Variants in GDPD3 observed in about 807,000 individuals in gnomAD.
The protein encoded by GDPD3 is lysophospholipase D GDPD3.
GDPD3 carries 40 observed loss-of-function variants against 43.7 expected under a neutral mutation model. That is an observed-to-expected ratio of 0.91 (90% confidence interval 0.71 to 1.19). The LOEUF (loss-of-function observed/expected upper bound fraction) is 1.19. Among genes scored for constraint, GDPD3 ranks in the 50% most tolerant of loss-of-function variants. The probability of loss-of-function intolerance (pLI) is 0.00; values close to 1 mark genes in which losing one functional copy is unlikely to be tolerated. For missense variants in GDPD3, 363 were observed against 415.8 expected (o/e 0.87, Z 1.11); for synonymous variants, 145 against 162.9 (o/e 0.89, Z 0.84).
In GDPD3 at chr16:30,113,272, A is replaced by G; in HGVS notation, c.139+68T>C. On this transcript the variant is annotated intron_variant, in intron 1 of 9. Transcript: ENST00000406256. The surrounding 1 kb of genome is among the most constrained non-coding windows in gnomAD (Gnocchi z 5.9). ...TCTTGGTCCCTGCCCCGTTTCTAGCATGCCCCCTTGGACCTACCCCTCTGT... is the reference window on the plus strand; with the variant it reads ...TCTTGGTCCCTGCCCCGTTTCTAGCGTGCCCCCTTGGACCTACCCCTCTGT... 1 of 1,524,840 alleles carries G rather than the reference A, an allele frequency of 6.6e-7. No homozygotes were observed. Among genetic ancestry groups the G allele is most frequent in the Non-Finnish European group, 8.8e-7 (1 of 1,132,246 alleles). 94.5% of individuals were successfully genotyped at this position (1,524,840 alleles called of 1,614,324 possible).
intron 7 of GDPD3, 52 bp downstream of exon 7, chr16:30,111,336 C>T (rs1302725583): frequency 5.7e-6 from 9 of 1,590,920 alleles, no homozygotes; most frequent in Admixed American, 5.2e-5. Context: ...TCCTTCTCCA[C>T]GGAGACCCTA....
intron 7 of GDPD3, 46 bp downstream of exon 7, chr16:30,111,342 C>A (rs747097063): frequency 3.1e-6 from 5 of 1,604,528 alleles, no homozygotes; most frequent in Non-Finnish European, 3.4e-6. Flanking sequence ...TCCACGGAGA[C>A]CCTAAGCAGT....
In GDPD3 at chr16:30,112,246, G is replaced by C; in HGVS notation, c.484-25C>G. On this transcript the variant is annotated intron_variant, in intron 5 of 9. Transcript: ENST00000406256. This position sits in a 1 kb window ranked among gnomAD's most constrained non-coding sequence, Gnocchi z 5.4. ...TCTGGGAGGAGGAGAAGGAGGTGAA[G>C]GGAGAGCCAGGCCTCTCTCACGCCC... is the stretch of plus-strand genomic sequence containing the variant. The C allele has an allele frequency of 6.2e-7, 1 of 1,613,532 alleles. No homozygotes were observed. Among genetic ancestry groups the C allele is most frequent in the Non-Finnish European group, 8.5e-7 (1 of 1,179,408 alleles).
At chr16:30,108,040 C>T (rs913129188) in intron 9 of GDPD3, 173 bp downstream of exon 9, 18 of 524,918 alleles carry the variant, frequency 3.4e-5, no homozygotes, top group Admixed American at 1.7e-4. Flanking sequence ...TGTGTGTGTT[C>T]GTGTGTGTGT....
At chr16:30,105,761 C>T (rs1429969235) in intron 9 of GDPD3, among the ~76,000 whole-genome samples, 2 of 149,334 alleles carry the variant, frequency 1.3e-5, no homozygotes, top group Admixed American at 6.6e-5. Flanking sequence ...CCTCGGCCTC[C>T]CAAAGTGCTG....
chr16:30,108,043 G>A, intron 9 of GDPD3, 170 bp downstream of exon 9: 1 of 538,922 alleles, frequency 1.9e-6, no homozygotes, highest in East Asian at 3.1e-5. Flanking sequence ...GTGTGTTCGT[G>A]TGTGTGTGTG....
Position 30,112,779 on chromosome 16 carries a change from C to G in GDPD3, c.197G>C (p.Arg66Pro), listed in dbSNP as rs755761103. The change falls in exon 3 of 10, where the codon CGC becomes CCC. Residue 66 changes from arginine (R) to proline (P), a missense_variant. By Grantham distance (103) the Arg-to-Pro change is moderately radical (BLOSUM62 -2). Coordinates refer to ENST00000406256, the MANE Select transcript of GDPD3 (RefSeq NM_024307.3). This position sits in a 1 kb window ranked among gnomAD's most constrained non-coding sequence, Gnocchi z 5.4. Reference protein sequence around the residue: ...MEAMENSMAQRSDLLELDCQL... With the variant: ...MEAMENSMAQPSDLLELDCQL... ...ACAGTCGAGCTCCAGGAGGTCCGAGCGCTGGGCCATGGAGCTGTGGGGGTG... is the reference window on the plus strand; with the variant it reads ...ACAGTCGAGCTCCAGGAGGTCCGAGGGCTGGGCCATGGAGCTGTGGGGGTG... The G allele has an allele frequency of 6.2e-7, 1 of 1,608,902 alleles. No homozygotes were observed. Among genetic ancestry groups the G allele is most frequent in the Non-Finnish European group, 8.5e-7 (1 of 1,179,794 alleles).
Position 30,112,050 on chromosome 16 carries a change from C to A in GDPD3, c.573+82G>T. On this transcript the variant is annotated intron_variant, in intron 6 of 9. Transcript: ENST00000406256. This position sits in a 1 kb window ranked among gnomAD's most constrained non-coding sequence, Gnocchi z 5.4. ...TCTCCCAGACCCCTCTAGCTCGGGT[C>A]CCCATGCTGGGTGGGCTCCAGCTCT... 2 of 1,115,970 alleles carry A rather than the reference C, an allele frequency of 1.8e-6. No individual in the cohort carries two copies. Among genetic ancestry groups the A allele is most frequent in the Non-Finnish European group, 2.7e-6 (2 of 740,456 alleles). 69.1% of individuals were successfully genotyped at this position (1,115,970 alleles called of 1,614,324 possible).
Position 30,112,438 on chromosome 16 carries a change from G to C in GDPD3, c.365-14C>G. The stretch of plus-strand genomic sequence containing the variant: ...GAGCAAAGTGGCCTGGGGGTGGTGT[G>C]GGAAAAGGGGTCAGAGGGAAGCCAA... On this transcript the variant is annotated splice_polypyrimidine_tract_variant and intron_variant, in intron 4 of 9. Coordinates refer to ENST00000406256, the MANE Select transcript of GDPD3 (RefSeq NM_024307.3). The surrounding 1 kb of genome is among the most constrained non-coding windows in gnomAD (Gnocchi z 5.4). The C allele has an allele frequency of 1.2e-6, 2 of 1,614,096 alleles. No individual in the cohort carries two copies. The highest frequency in any genetic ancestry group is 1.1e-5 in the South Asian group (1 of 91,086).
At chr16:30,110,632 G>A (rs1039771519) in intron 7 of GDPD3, 1 of 151,854 alleles carries the variant, frequency 6.6e-6, no homozygotes, top group African/African-American at 2.4e-5. Flanking sequence ...AGCACTTTGG[G>A]AGACCAAGGT....
Position 30,112,786 on chromosome 16 carries a change from C to T in GDPD3, c.190G>A (p.Ala64Thr). 6.2e-7 allele frequency: 1 copy of T among 1,608,196 alleles called. No individual in the cohort carries two copies. The highest frequency in any genetic ancestry group is 8.5e-7 in the Non-Finnish European group (1 of 1,179,780). Residue 64 changes from alanine (A) to threonine (T), a missense_variant, in exon 3 of 10, where the codon GCC becomes ACC. Transcript: ENST00000406256. The surrounding 1 kb of genome is among the most constrained non-coding windows in gnomAD (Gnocchi z 5.4). ...AGCTCCAGGAGGTCCGAGCGCTGGG[C>T]CATGGAGCTGTGGGGGTGAAGGTCA... ...NTMEAMENSM[A>T]QRSDLLELDC...
At position 30,112,234 on chromosome 16, in the gene GDPD3, G is replaced by C; in HGVS notation, c.484-13C>G. On this transcript the variant is annotated splice_polypyrimidine_tract_variant and intron_variant, in intron 5 of 9. Coordinates refer to ENST00000406256, the MANE Select transcript of GDPD3 (RefSeq NM_024307.3). The surrounding 1 kb of genome is among the most constrained non-coding windows in gnomAD (Gnocchi z 5.4). ...CCAAGCCTGCTATCTGGGAGGAGGA[G>C]AAGGAGGTGAAGGGAGAGCCAGGCC... is the stretch of plus-strand genomic sequence containing the variant. The C allele has an allele frequency of 6.2e-7, 1 of 1,613,856 alleles. No homozygotes were observed. Among genetic ancestry groups the C allele is most frequent in the African/African-American group, 1.3e-5 (1 of 75,032 alleles).
Position 30,111,295 on chromosome 16 carries a change from AGGGGAGCT to A in GDPD3, c.707+85_707+92del, listed in dbSNP as rs1262207289. ...TAAAAGACCTTGGGGGTTATCTCTGAGGGGAGCTGGGGAGCTGGGAAGATCTGGGCTCC... is the reference window on the plus strand; with the variant it reads ...TAAAAGACCTTGGGGGTTATCTCTGAGGGGAGCTGGGAAGATCTGGGCTCC... On this transcript the variant is annotated intron_variant, in intron 7 of 9. Coordinates refer to ENST00000406256, the MANE Select transcript of GDPD3 (RefSeq NM_024307.3). The A allele has an allele frequency of 5.7e-6, 8 of 1,413,914 alleles. No homozygotes were observed. The Admixed American group carries it at 8.2e-5, about 14-fold the overall frequency. The allele number at this position is 1,413,914 out of a possible 1,614,324, so 87.6% of individuals were successfully genotyped here.
rs1210571409 is a variant in GDPD3, at chr16:30,108,232, A to C, written c.800T>G (p.Leu267Trp). 1 of 1,607,240 alleles carries C rather than the reference A, an allele frequency of 6.2e-7. No individual in the cohort carries two copies. Among genetic ancestry groups the C allele is most frequent in the Admixed American group, 1.7e-5 (1 of 59,718 alleles). Residue 267 changes from leucine (L) to tryptophan (W), a missense_variant, in exon 9 of 10, where the codon TTG becomes TGG. Leu to Trp is a moderately conservative substitution (Grantham distance 61, BLOSUM62 -2). Coordinates refer to ENST00000406256, the MANE Select transcript of GDPD3 (RefSeq NM_024307.3). ...LIMRKSLIRH[L>W]EERGVQVVFW... ...CCTCACCTGCACCCCTCGCTCCTCC[A>C]AGTGTCGGATCAGACTCTTCCTCAT...
chr16:30,106,238 C>T (rs1184861270), intron 9 of GDPD3, among the ~76,000 whole-genome samples: 4 of 152,212 alleles, frequency 2.6e-5, no homozygotes, highest in Non-Finnish European at 5.9e-5. Flanking sequence ...TCTGTTGAGG[C>T]TGCAAGATGG....
At position 30,112,743 on chromosome 16, in the gene GDPD3, C is replaced by CGTG. The variant is rs2072912850; in HGVS notation, c.230_232dup (p.Thr77_Arg78insPro). 1.9e-6 allele frequency: 3 copies of CGTG among 1,613,092 alleles called. No homozygotes were observed. The highest frequency in any genetic ancestry group is 1.3e-5 in the African/African-American group (1 of 74,928). On this transcript the variant is annotated inframe_insertion, in exon 3 of 10. Transcript: ENST00000406256. This position sits in a 1 kb window ranked among gnomAD's most constrained non-coding sequence, Gnocchi z 5.4. Reference sequence around the variant, plus strand: ...ATGTGACACCACCACCACTCTGTCCCGTGTCAGCTGACAGTCGAGCTCCAG... The same window carrying CGTG: ...ATGTGACACCACCACCACTCTGTCCCGTGGTGTCAGCTGACAGTCGAGCTCCAG...
chr16:30,110,526 G>A (rs1280054846), intron 7 of GDPD3: 1 of 151,980 alleles, frequency 6.6e-6, no homozygotes, highest in Non-Finnish European at 1.5e-5. Flanking sequence ...ACTTCCTTCT[G>A]GACAACAGAG....
At position 30,105,080 on chromosome 16, in the gene GDPD3, C is replaced by T. The variant is rs916876185; in HGVS notation, c.820-71G>A. On this transcript the variant is annotated intron_variant, in intron 9 of 9. Transcript: ENST00000406256. The stretch of plus-strand genomic sequence containing the variant: ...TCTGGAGAGTGGGGACCCACCTCCT[C>T]CTCTATGGAGACTCCCCAGCAGCAG... 2.3e-6 allele frequency: 3 copies of T among 1,290,452 alleles called. No homozygotes were observed. The African/African-American group carries it at 4.4e-5, about 19-fold the overall frequency. The allele number at this position is 1,290,452 out of a possible 1,614,324, so 79.9% of individuals were successfully genotyped here. A position where few individuals can be genotyped will look rare whatever the true frequency, so the allele number is the denominator to read the frequency against.
intron 9 of GDPD3, among the ~76,000 whole-genome samples, chr16:30,106,182 C>T (rs192518287): frequency 7.9e-5 from 12 of 152,280 alleles, no homozygotes; most frequent in African/African-American, 2.9e-4. Context: ...CAAAGCATAT[C>T]TCTTGCTAAT....
Sources: allele counts gnomAD v4.1 joint callset (sites outside exome capture counted in the v4.1 genomes callset), GRCh38; gene constraint gnomAD v4.1.1; non-coding constraint Gnocchi (gnomAD v3.1); transcripts MANE v1.5; gene names NCBI Gene and HGNC (gene_info 2026-07-23, HGNC 2026-07-21).